TMTC2: variants seen among roughly 807,000 people sequenced by gnomAD.
The protein encoded by TMTC2 is protein O-mannosyl-transferase TMTC2.
In TMTC2, 43 loss-of-function variants were observed where a neutral mutation model predicts 82.4. That is an observed-to-expected ratio of 0.52 (90% CI 0.41 to 0.67). The LOEUF is 0.67. Among genes scored for constraint, TMTC2 ranks in the 30% least tolerant of loss-of-function variants. TMTC2 has a pLI of 0.00. For missense variants in TMTC2, 919 were observed against 1,012.4 expected (o/e 0.91, Z 1.25); for synonymous variants, 408 against 381.9 (o/e 1.07, Z -0.80).
intron 1 of TMTC2, among the ~76,000 whole-genome samples, chr12:82,783,646 G>A (rs1220368060): frequency 6.6e-6 from 1 of 152,054 alleles, no homozygotes; most frequent in East Asian, 1.9e-4. Flanking sequence ...TGTGTTTAAT[G>A]CAAATCCGGG....
intron 1 of TMTC2, among the ~76,000 whole-genome samples, chr12:82,800,940 A>C (rs1878967284): frequency 6.6e-6 from 1 of 152,190 alleles, no homozygotes; most frequent in African/African-American, 2.4e-5. Context: ...CTTAGTAAAC[A>C]TGTTAATGGA....
At chr12:83,032,543 A>AT (rs869218034) in intron 9 of TMTC2, among the ~76,000 whole-genome samples, 10 of 149,660 alleles carry the variant, frequency 6.7e-5, no homozygotes, top group Non-Finnish European at 1.0e-4. Context: ...TACAAAAAAA[A>AT]TTTTTTTTTT....
intron 6 of TMTC2, among the ~76,000 whole-genome samples, chr12:82,966,391 C>T (rs1878210084): frequency 6.6e-6 from 1 of 152,082 alleles, no homozygotes; most frequent in African/African-American, 2.4e-5. Context: ...CTTCAAACTG[C>T]TTTCCCCTGC....
At chr12:82,806,506 T>G (rs1245323810) in intron 1 of TMTC2, among the ~76,000 whole-genome samples, 2 of 152,146 alleles carry the variant, frequency 1.3e-5, no homozygotes, top group Admixed American at 1.3e-4. Flanking sequence ...GACCTTTGAA[T>G]AATGCACAGA....
At chr12:82,990,248 G>T (rs573991683) in intron 8 of TMTC2, among the ~76,000 whole-genome samples, 3 of 152,274 alleles carry the variant, frequency 2.0e-5, no homozygotes, top group Admixed American at 2.0e-4. Flanking sequence ...TTAGACTGGA[G>T]AGTAGGATTT....
chr12:82,801,872 C>T (rs1879023359), intron 1 of TMTC2, among the ~76,000 whole-genome samples: 1 of 152,128 alleles, frequency 6.6e-6, no homozygotes, highest in African/African-American at 2.4e-5. Flanking sequence ...GTTTACAAAC[C>T]TTGAGCTAGA....
chr12:83,115,285 C>T (rs1884717131), intron 11 of TMTC2, among the ~76,000 whole-genome samples: 1 of 151,804 alleles, frequency 6.6e-6, no homozygotes. Flanking sequence ...AATCATATTT[C>T]AAATAGAAAC....
At chr12:82,985,779 G>T in intron 7 of TMTC2, 146 bp from the exon 8 acceptor site, 1 of 1,036,300 alleles carries the variant, frequency 9.6e-7, no homozygotes, top group Non-Finnish European at 1.3e-6. Flanking sequence ...TGACTTCTTT[G>T]GGAATCAGAT....
chr12:82,882,447 A>G (rs141737543), intron 2 of TMTC2, among the ~76,000 whole-genome samples: 95 of 152,278 alleles, frequency 6.2e-4, no homozygotes, highest in African/African-American at 2.1e-3. Context: ...TAATTCTACT[A>G]ACCATAACTC....
chr12:82,801,524 C>T (rs61076638), intron 1 of TMTC2, among the ~76,000 whole-genome samples: 7,492 of 152,100 alleles, frequency 0.049, 254 homozygotes, highest in Middle Eastern at 0.14. Context: ...TACAGAGAGC[C>T]GATTGGTCTG....
At chr12:82,887,404 A>G (rs1873154859) in intron 2 of TMTC2, among the ~76,000 whole-genome samples, 1 of 152,198 alleles carries the variant, frequency 6.6e-6, no homozygotes, top group African/African-American at 2.4e-5. Flanking sequence ...ATAGAAGGGA[A>G]TAATTCACCA....
intron 11 of TMTC2, among the ~76,000 whole-genome samples, chr12:83,073,170 G>C (rs1035572584): frequency 5.9e-5 from 9 of 152,070 alleles, no homozygotes; most frequent in Admixed American, 5.2e-4. Flanking sequence ...AGTTCTTGTA[G>C]TGGTAGGTTG....
intron 10 of TMTC2, among the ~76,000 whole-genome samples, chr12:83,053,616 A>G (rs1021426180): frequency 5.3e-5 from 8 of 152,098 alleles, no homozygotes; most frequent in Admixed American, 2.0e-4. Flanking sequence ...CCAGCCATCA[A>G]GGGGCAAATC....
chr12:83,120,390 G>C (rs548040707), intron 11 of TMTC2, among the ~76,000 whole-genome samples: 38 of 152,286 alleles, frequency 2.5e-4, no homozygotes, highest in African/African-American at 9.1e-4. Flanking sequence ...GAAAAAGACT[G>C]TATCTTTCCT....
intron 3 of TMTC2, among the ~76,000 whole-genome samples, chr12:82,897,846 GT>G (rs1311907759): frequency 2.0e-5 from 3 of 152,036 alleles, no homozygotes; most frequent in Non-Finnish European, 2.9e-5. Flanking sequence ...TTTAAATTAT[GT>G]TTGCTGATAT....
intron 11 of TMTC2, among the ~76,000 whole-genome samples, chr12:83,091,002 G>C (rs752534191): frequency 8.5e-5 from 13 of 152,228 alleles, no homozygotes; most frequent in Admixed American, 2.6e-4. Flanking sequence ...ATAAAAAATA[G>C]CTGTATGTTC....
At chr12:83,041,780 A>G (rs1042097292) in intron 9 of TMTC2, among the ~76,000 whole-genome samples, 1 of 152,158 alleles carries the variant, frequency 6.6e-6, no homozygotes, top group Non-Finnish European at 1.5e-5. Flanking sequence ...GATTGTTTCC[A>G]TTATTCCATT....
intron 1 of TMTC2, among the ~76,000 whole-genome samples, chr12:82,772,283 T>G (rs1877350961): frequency 6.6e-6 from 1 of 152,208 alleles, no homozygotes; most frequent in Admixed American, 6.5e-5. Context: ...TAAATTGCTG[T>G]GGCATACCAG....
intron 2 of TMTC2, among the ~76,000 whole-genome samples, chr12:82,867,184 T>A (rs1017344440): frequency 2.0e-5 from 3 of 152,206 alleles, no homozygotes; most frequent in African/African-American, 7.2e-5. Flanking sequence ...AACTCTTGCA[T>A]CAAGAGAAAT....
Sources: gnomAD v4.1 joint callset for allele counts (sites outside exome capture counted in the v4.1 genomes callset) on GRCh38, gnomAD v4.1.1 for gene constraint, MANE v1.5 for transcripts, NCBI Gene and HGNC (gene_info 2026-07-23, HGNC 2026-07-21) for gene names.